ARAP2: variants seen among roughly 807,000 people sequenced by gnomAD.
The protein encoded by ARAP2 is arf-GAP with Rho-GAP domain, ANK repeat and PH domain-containing protein 2.
ARAP2 carries 148 observed loss-of-function variants against 194.5 expected under a neutral mutation model. That is an observed-to-expected ratio of 0.76 (90% CI 0.67 to 0.87). ARAP2 has a LOEUF of 0.87. Ranked by LOEUF, ARAP2 falls within the 40% of genes least tolerant of loss-of-function variation. The probability of loss-of-function intolerance (pLI) is 0.00; values close to 1 mark genes in which losing one functional copy is unlikely to be tolerated. For missense variants in ARAP2, 2,128 were observed against 1,989.7 expected, an observed-to-expected ratio of 1.07 and a Z score of -1.32; for synonymous variants, 695 against 683.5, an observed-to-expected ratio of 1.02 and a Z score of -0.26.
At chr4:36,175,601 A>AAC (rs1264909816) in intron 9 of ARAP2, among the ~76,000 whole-genome samples, 12 of 152,194 alleles carry the variant, frequency 7.9e-5, no homozygotes, top group Non-Finnish European at 1.5e-4. Flanking sequence ...ATTTAAAAAA[A>AAC]ACACACACAT....
At chr4:36,178,036 AT>A in intron 8 of ARAP2, 31 bp from the exon 9 acceptor site, 1 of 1,552,666 alleles carries the variant, frequency 6.4e-7, no homozygotes, top group Non-Finnish European at 8.7e-7. Context: ...AAATACATAA[AT>A]CCACATATAA....
At chr4:36,184,634 T>C (rs1256893502) in intron 8 of ARAP2, among the ~76,000 whole-genome samples, 2 of 152,204 alleles carry the variant, frequency 1.3e-5, no homozygotes, top group Non-Finnish European at 2.9e-5. Flanking sequence ...GTTTAACTTT[T>C]AATGTGTCAA....
At chr4:36,136,548 G>GTTTTCTT (rs1726753040) in intron 19 of ARAP2, among the ~76,000 whole-genome samples, 1 of 151,458 alleles carries the variant, frequency 6.6e-6, no homozygotes, top group African/African-American at 2.4e-5. Context: ...ACAAATAATA[G>GTTTTCTT]ATCAATAAAC....
intron 21 of ARAP2, among the ~76,000 whole-genome samples, chr4:36,126,442 G>A (rs943094025): frequency 2.6e-5 from 4 of 151,880 alleles, no homozygotes; most frequent in Middle Eastern, 3.2e-3. Flanking sequence ...GCAATTCAAC[G>A]AAACATATAA....
At chr4:36,094,410 T>G (rs1714635304) in intron 27 of ARAP2, among the ~76,000 whole-genome samples, 1 of 152,148 alleles carries the variant, frequency 6.6e-6, no homozygotes. Flanking sequence ...GAAAAAAGCT[T>G]GTTGACTCTC....
chr4:36,064,192 T>C (rs1457961669), downstream of ARAP2, among the ~76,000 whole-genome samples: 1 of 124,656 alleles, frequency 8.0e-6, no homozygotes, highest in African/African-American at 3.0e-5. Flanking sequence ...CTTTGCTTTT[T>C]TGTTTTTTTC....
intron 7 of ARAP2, among the ~76,000 whole-genome samples, chr4:36,190,880 CA>C (rs1433900459): frequency 6.6e-6 from 1 of 152,160 alleles, no homozygotes; most frequent in African/African-American, 2.4e-5. Context: ...AGACACATGA[CA>C]TGATTGGCTT....
intron 32 of ARAP2, among the ~76,000 whole-genome samples, chr4:36,073,481 A>T (rs565873765): frequency 3.3e-5 from 5 of 152,248 alleles, no homozygotes; most frequent in African/African-American, 1.2e-4. Flanking sequence ...AGTATTGTGC[A>T]TATGTGATTG....
At chr4:36,074,791 G>T (rs1360545540) in intron 31 of ARAP2, among the ~76,000 whole-genome samples, 6 of 151,972 alleles carry the variant, frequency 3.9e-5, no homozygotes, top group East Asian at 1.9e-4. Context: ...TTAATGTGTT[G>T]CTTTATGGCA....
At chr4:36,102,666 C>T (rs998751305) in intron 27 of ARAP2, among the ~76,000 whole-genome samples, 48 of 151,934 alleles carry the variant, frequency 3.2e-4, no homozygotes, top group Admixed American at 3.1e-3. Flanking sequence ...ACATCCTGAC[C>T]TAGAGTAGTC....
intron 8 of ARAP2, chr4:36,015,309 C>T (rs1715587562): frequency 6.6e-6 from 1 of 152,170 alleles, no homozygotes; most frequent in Admixed American, 6.5e-5. Flanking sequence ...CTAACAACAT[C>T]AAGTTTATTG....
At chr4:36,083,498 C>A in intron 28 of ARAP2, 48 bp from the exon 29 acceptor site, 2 of 1,284,212 alleles carry the variant, frequency 1.6e-6, no homozygotes, top group African/African-American at 3.0e-5. Flanking sequence ...TACACATTTC[C>A]TTACATTTTC....
chr4:36,014,788 T>C (rs1205631682), intron 8 of ARAP2, among the ~76,000 whole-genome samples: 2 of 152,196 alleles, frequency 1.3e-5, no homozygotes, highest in Non-Finnish European at 2.9e-5. Context: ...TAATTAAGTT[T>C]ACATCAGGTC....
intron 23 of ARAP2, among the ~76,000 whole-genome samples, chr4:36,120,701 T>G (rs1368529069): frequency 1.3e-5 from 2 of 151,610 alleles, no homozygotes; most frequent in Non-Finnish European, 3.0e-5. Context: ...AATGGAAATT[T>G]AAAAAGTCAA....
intron 31 of ARAP2, among the ~76,000 whole-genome samples, chr4:36,074,412 A>T (rs986898375): frequency 2.6e-5 from 4 of 152,088 alleles, no homozygotes; most frequent in African/African-American, 7.2e-5. Context: ...CAAATCATTG[A>T]CTATATATTC....
At chr4:36,175,871 T>C (rs1737790295) in intron 9 of ARAP2, among the ~76,000 whole-genome samples, 1 of 152,182 alleles carries the variant, frequency 6.6e-6, no homozygotes, top group Admixed American at 6.6e-5. Flanking sequence ...AACCTATTAT[T>C]GCACTGACCT....
At chr4:36,131,459 T>C (rs561864888) in intron 20 of ARAP2, among the ~76,000 whole-genome samples, 201 of 151,402 alleles carry the variant, frequency 1.3e-3, no homozygotes, top group African/African-American at 4.7e-3. Flanking sequence ...TGTGTGTACA[T>C]ATGTAAGTGT....
At chr4:36,153,667 A>G (rs1731546102) in intron 15 of ARAP2, among the ~76,000 whole-genome samples, 1 of 152,210 alleles carries the variant, frequency 6.6e-6, no homozygotes, top group Non-Finnish European at 1.5e-5. Flanking sequence ...GAGGTGACCC[A>G]CTGAAATGCT....
chr4:36,142,190 C>A (rs1390146346), intron 19 of ARAP2, among the ~76,000 whole-genome samples: 1 of 151,710 alleles, frequency 6.6e-6, no homozygotes, highest in Non-Finnish European at 1.5e-5. Flanking sequence ...CAACATCCCA[C>A]TACCACATGG....
Sources: gnomAD v4.1 joint callset for allele counts (sites outside exome capture counted in the v4.1 genomes callset) on GRCh38, gnomAD v4.1.1 for gene constraint, MANE v1.5 for transcripts, NCBI Gene and HGNC (gene_info 2026-07-23, HGNC 2026-07-21) for gene names.